PVT1: variants seen among roughly 807,000 people sequenced by gnomAD.
The protein encoded by PVT1 is Pvt1 oncogene, also known as CXCR4/PVT1 fusion.
chr8:128,033,309 CCATGTGTGTGTG>C (rs1039695742), intron 4 of PVT1, among the ~76,000 whole-genome samples: 8 of 151,762 alleles, frequency 5.3e-5, no homozygotes, highest in Non-Finnish European at 7.4e-5. Flanking sequence ...TGCCTGGTTC[CCATGTGTGTGTG>C]CATGTGTGTG....
At chr8:128,087,161 T>G (rs1449878668) in intron 5 of PVT1, among the ~76,000 whole-genome samples, 4 of 152,150 alleles carry the variant, frequency 2.6e-5, no homozygotes, top group Admixed American at 2.6e-4. Flanking sequence ...TTTTCACAGA[T>G]GAGGAAACTG....
intron 3 of PVT1, among the ~76,000 whole-genome samples, chr8:127,892,983 C>T (rs1815630551): frequency 6.6e-6 from 1 of 152,132 alleles, no homozygotes; most frequent in Non-Finnish European, 1.5e-5. Context: ...GTTTTTTCCC[C>T]TTTTATCAGT....
chr8:127,861,208 T>A (rs963646690), intron 2 of PVT1, among the ~76,000 whole-genome samples: 4 of 152,150 alleles, frequency 2.6e-5, no homozygotes, highest in African/African-American at 7.2e-5. Context: ...GGCTTCCAAC[T>A]AACTATCCTT....
chr8:127,802,633 AC>A (rs1814478094), intron 2 of PVT1, among the ~76,000 whole-genome samples: 1 of 152,232 alleles, frequency 6.6e-6, no homozygotes, highest in South Asian at 2.1e-4. Context: ...CTTTATGGCT[AC>A]TAGAAAATCT....
chr8:127,963,186 C>T (rs1333516942), intron 3 of PVT1, among the ~76,000 whole-genome samples: 4 of 152,240 alleles, frequency 2.6e-5, no homozygotes, highest in African/African-American at 9.6e-5. Flanking sequence ...GGCAGCCTTC[C>T]TGCCCCTGCC....
chr8:128,023,937 C>T (rs112797807), intron 4 of PVT1, among the ~76,000 whole-genome samples: 22 of 152,322 alleles, frequency 1.4e-4, no homozygotes, highest in African/African-American at 5.3e-4. Flanking sequence ...TTGCTCTACG[C>T]CAGGCACTTC....
At chr8:127,906,494 G>A (rs1815822332) in intron 3 of PVT1, among the ~76,000 whole-genome samples, 1 of 152,152 alleles carries the variant, frequency 6.6e-6, no homozygotes. Context: ...AGGAGAAACT[G>A]GGGGTAGTTC....
At chr8:128,026,949 C>G (rs1305672572) in intron 4 of PVT1, among the ~76,000 whole-genome samples, 1 of 152,120 alleles carries the variant, frequency 6.6e-6, no homozygotes, top group African/African-American at 2.4e-5. Flanking sequence ...CTGAGGCGTT[C>G]TTGTCTGCCA....
At chr8:128,073,704 G>C (rs1740969422) in intron 5 of PVT1, among the ~76,000 whole-genome samples, 1 of 152,086 alleles carries the variant, frequency 6.6e-6, no homozygotes, top group Non-Finnish European at 1.5e-5. Flanking sequence ...CCTCACACAG[G>C]CAGTTGCAGA....
intron 2 of PVT1, among the ~76,000 whole-genome samples, chr8:127,888,973 C>T (rs926103781): frequency 1.3e-5 from 2 of 152,080 alleles, no homozygotes; most frequent in Non-Finnish European, 2.9e-5. Context: ...TGGTCAAGCT[C>T]GTGGGCTTTG....
intron 4 of PVT1, among the ~76,000 whole-genome samples, chr8:128,013,386 G>GTTT (rs11403934): frequency 1.3e-5 from 2 of 151,232 alleles, no homozygotes; most frequent in Non-Finnish European, 1.5e-5. Context: ...TATTTTTCCT[G>GTTT]TTTTTTTTTC....
At chr8:127,890,416 A>C (rs995360169) in intron 2 of PVT1, among the ~76,000 whole-genome samples, 1 of 152,208 alleles carries the variant, frequency 6.6e-6, no homozygotes, top group Non-Finnish European at 1.5e-5. Flanking sequence ...GGCAGCTCTC[A>C]CCTGAAGGCC....
intron 2 of PVT1, among the ~76,000 whole-genome samples, chr8:127,826,994 C>CTTTTTTTTTTTTT (rs5894901): frequency 3.5e-5 from 4 of 113,958 alleles, no homozygotes; most frequent in Non-Finnish European, 5.1e-5. Context: ...TTCTTTTTCT[C>CTTTTTTTTTTTTT]TTTTTTTTTT....
intron 4 of PVT1, among the ~76,000 whole-genome samples, chr8:128,028,865 C>T (rs555725357): frequency 1.3e-5 from 2 of 152,096 alleles, no homozygotes; most frequent in East Asian, 3.9e-4. Flanking sequence ...ATTTTGGGGA[C>T]AGGGTCTTGC....
At chr8:127,968,633 G>A (rs1181552603) in intron 3 of PVT1, among the ~76,000 whole-genome samples, 1 of 152,178 alleles carries the variant, frequency 6.6e-6, no homozygotes, top group Non-Finnish European at 1.5e-5. Context: ...AGTACAGTGG[G>A]TGAATTGTAT....
intron 4 of PVT1, among the ~76,000 whole-genome samples, chr8:128,002,211 A>C (rs939025218): frequency 6.6e-6 from 1 of 152,154 alleles, no homozygotes; most frequent in African/African-American, 2.4e-5. Context: ...CAGGCGCCTG[A>C]GTCTCACATC....
intron 2 of PVT1, among the ~76,000 whole-genome samples, chr8:127,838,050 A>T (rs1814928964): frequency 6.6e-6 from 1 of 151,844 alleles, no homozygotes. Context: ...GGCATGCGCC[A>T]CCATGCCCGG....
At chr8:128,043,803 C>CACACACACACACACACACACACACAT (rs1554606714) in intron 4 of PVT1, among the ~76,000 whole-genome samples, 5 of 142,428 alleles carry the variant, frequency 3.5e-5, no homozygotes, top group African/African-American at 1.3e-4. Context: ...CACACACACA[C>CACACACACACACACACACACACACAT]ATACACAAGG....
chr8:127,915,320 G>T (rs953104466), intron 3 of PVT1, among the ~76,000 whole-genome samples: 7 of 151,678 alleles, frequency 4.6e-5, no homozygotes, highest in African/African-American at 7.3e-5. Flanking sequence ...GTTAAAAGAG[G>T]ACATGTGGGC....
Sources: gnomAD v4.1 joint callset for allele counts (sites outside exome capture counted in the v4.1 genomes callset) on GRCh38, gnomAD v4.1.1 for gene constraint, MANE v1.5 for transcripts, NCBI Gene and HGNC (gene_info 2026-07-23, HGNC 2026-07-21) for gene names.